The following FANCC variants were observed in gnomAD, a reference collection of about 807,000 sequenced individuals.
FANCC encodes the protein Fanconi anemia group C protein.
In FANCC, 55 loss-of-function variants were observed where a neutral mutation model predicts 71.3. The observed-to-expected ratio is 0.77, with a 90% CI of 0.62 to 0.97. The LOEUF (loss-of-function observed/expected upper bound fraction) is 0.97, where lower values mean the gene tolerates loss of function less well. FANCC is among the 50% of genes least tolerant of loss of function. The pLI is 0.00. For synonymous variants in FANCC, 275 were observed against 244.9 expected, an observed-to-expected ratio of 1.12 and a Z score of -1.15; for missense variants, 678 against 670.9, an observed-to-expected ratio of 1.01 and a Z score of -0.12.
At chr9:95,310,391 G>A (rs889471777) in intron 1 of FANCC, among the ~76,000 whole-genome samples, 2 of 151,810 alleles carry the variant, frequency 1.3e-5, no homozygotes, top group Admixed American at 6.6e-5. Context: ...AGGAGGGGGG[G>A]AATTCGTTGG....
At chr9:95,221,569 T>A (rs1829271575) in intron 4 of FANCC, among the ~76,000 whole-genome samples, 1 of 152,100 alleles carries the variant, frequency 6.6e-6, no homozygotes, top group Non-Finnish European at 1.5e-5. Flanking sequence ...CTTTTGAGTA[T>A]ACAATTAAGA....
intron 1 of FANCC, among the ~76,000 whole-genome samples, chr9:95,271,211 T>C (rs1588393726): frequency 6.6e-6 from 1 of 152,168 alleles, no homozygotes; most frequent in African/African-American, 2.4e-5. Flanking sequence ...AACAAAGAAT[T>C]AGCAGCCCAA....
intron 4 of FANCC, among the ~76,000 whole-genome samples, chr9:95,235,379 G>C (rs979175469): frequency 1.3e-5 from 2 of 152,208 alleles, no homozygotes; most frequent in Non-Finnish European, 2.9e-5. Flanking sequence ...ACGGTGTCAG[G>C]CAATGGGACA....
intron 6 of FANCC, among the ~76,000 whole-genome samples, chr9:95,168,307 C>G (rs1226682310): frequency 3.3e-5 from 5 of 152,178 alleles, no homozygotes; most frequent in African/African-American, 4.8e-5. Flanking sequence ...TAAGTGCTTC[C>G]TCCCAATTCT....
At chr9:95,200,097 T>A (rs1827711768) in intron 4 of FANCC, among the ~76,000 whole-genome samples, 2 of 152,216 alleles carry the variant, frequency 1.3e-5, no homozygotes. Flanking sequence ...ATCTTCAAGA[T>A]TACAGATGAA....
intron 8 of FANCC, among the ~76,000 whole-genome samples, chr9:95,131,328 GA>G (rs2135086713): frequency 6.6e-6 from 1 of 152,346 alleles, no homozygotes; most frequent in East Asian, 1.9e-4. Context: ...CAAGCTGGAA[GA>G]AAGCTCCTCA....
chr9:95,196,378 CT>C (rs1827458956), intron 4 of FANCC, among the ~76,000 whole-genome samples: 2 of 152,006 alleles, frequency 1.3e-5, no homozygotes, highest in East Asian at 3.9e-4. Flanking sequence ...GCTTTTTCTT[CT>C]TTAATATGGT....
intron 10 of FANCC, among the ~76,000 whole-genome samples, chr9:95,124,359 T>C (rs937849089): frequency 5.3e-5 from 8 of 152,120 alleles, no homozygotes; most frequent in East Asian, 1.9e-4. Flanking sequence ...CAAATATATA[T>C]GCTGAAAGGT....
At chr9:95,242,058 C>T (rs1349414952) in intron 3 of FANCC, among the ~76,000 whole-genome samples, 2 of 152,192 alleles carry the variant, frequency 1.3e-5, no homozygotes, top group Non-Finnish European at 2.9e-5. Flanking sequence ...CTAAATAATG[C>T]TAACAGTAAT....
chr9:95,305,796 T>G (rs979968474), intron 1 of FANCC, among the ~76,000 whole-genome samples: 1 of 152,068 alleles, frequency 6.6e-6, no homozygotes, highest in Non-Finnish European at 1.5e-5. Flanking sequence ...AAATTAGGAG[T>G]GAAAATAAAG....
intron 1 of FANCC, among the ~76,000 whole-genome samples, chr9:95,278,660 G>A (rs1248770794): frequency 6.6e-6 from 1 of 152,114 alleles, no homozygotes; most frequent in African/African-American, 2.4e-5. Context: ...TACATTAGGT[G>A]TATTAAGTGA....
chr9:95,110,294 G>C (rs1214892632), intron 13 of FANCC: 1 of 1,013,214 alleles, frequency 9.9e-7, no homozygotes. Context: ...CCTTTTGACT[G>C]TGATGGAATT....
intron 1 of FANCC, chr9:95,293,668 C>A: frequency 6.2e-7 from 1 of 1,614,132 alleles, no homozygotes. Flanking sequence ...TGTTCTCAAA[C>A]TGATTTGTTG....
chr9:95,269,656 A>G (rs1211671690), intron 1 of FANCC, among the ~76,000 whole-genome samples: 2 of 152,146 alleles, frequency 1.3e-5, no homozygotes, highest in African/African-American at 4.8e-5. Flanking sequence ...GGTACTGCCC[A>G]GTACAGTTCA....
chr9:95,233,302 T>C (rs1254655768), intron 4 of FANCC, among the ~76,000 whole-genome samples: 1 of 152,046 alleles, frequency 6.6e-6, no homozygotes, highest in African/African-American at 2.4e-5. Context: ...TTAAAAGTAA[T>C]AAAAATAGTA....
chr9:95,261,252 T>C (rs1285168192), intron 1 of FANCC, among the ~76,000 whole-genome samples: 1 of 152,218 alleles, frequency 6.6e-6, no homozygotes, highest in Non-Finnish European at 1.5e-5. Flanking sequence ...TACTACTTTT[T>C]TATCGCAGGT....
At chr9:95,197,817 A>T (rs1369273196) in intron 4 of FANCC, among the ~76,000 whole-genome samples, 1 of 152,198 alleles carries the variant, frequency 6.6e-6, no homozygotes, top group African/African-American at 2.4e-5. Flanking sequence ...GCAGAAGGCC[A>T]AGAAACAAAG....
At chr9:95,121,336 G>A (rs562945602) in intron 10 of FANCC, among the ~76,000 whole-genome samples, 2 of 152,286 alleles carry the variant, frequency 1.3e-5, no homozygotes, top group Admixed American at 1.3e-4. Flanking sequence ...AGGGACAAGA[G>A]GAAAGGGTAA....
chr9:95,217,858 G>C (rs1183967559), intron 4 of FANCC, among the ~76,000 whole-genome samples: 1 of 152,122 alleles, frequency 6.6e-6, no homozygotes, highest in Non-Finnish European at 1.5e-5. Context: ...CCGTTGCTCA[G>C]TTCATGGGGG....
Sources: gnomAD v4.1 joint callset for allele counts (sites outside exome capture counted in the v4.1 genomes callset) on GRCh38, gnomAD v4.1.1 for gene constraint, MANE v1.5 for transcripts, NCBI Gene and HGNC (gene_info 2026-07-23, HGNC 2026-07-21) for gene names.